FER1L6: variants seen among roughly 807,000 people sequenced by gnomAD.
FER1L6 encodes the protein fer-1-like protein 6.
In FER1L6, 177 loss-of-function variants were observed where a neutral mutation model predicts 219.2. The ratio of observed to expected loss-of-function variants is 0.81; its 90% confidence interval spans 0.71 to 0.91. The LOEUF is 0.91. Among genes scored for constraint, FER1L6 ranks in the 40% least tolerant of loss-of-function variants. FER1L6 has a pLI of 0.00. For synonymous variants in FER1L6, 768 were observed against 824.3 expected, an observed-to-expected ratio of 0.93 and a Z score of 1.17; for missense variants, 2,153 against 2,259.9, an observed-to-expected ratio of 0.95 and a Z score of 0.96.
chr8:124,006,279 T>C (rs562242284), intron 13 of FER1L6, among the ~76,000 whole-genome samples: 1 of 152,202 alleles, frequency 6.6e-6, no homozygotes, highest in Non-Finnish European at 1.5e-5. Context: ...TAGGAGGAGA[T>C]GAGAGGTCTC....
chr8:124,093,543 T>C (rs1380224451), intron 34 of FER1L6, among the ~76,000 whole-genome samples: 1 of 152,072 alleles, frequency 6.6e-6, no homozygotes, highest in Non-Finnish European at 1.5e-5. Flanking sequence ...GATATTTAGA[T>C]AGGACATTAA....
At chr8:123,906,778 G>A in intron 1 of FER1L6, among the ~76,000 whole-genome samples, 1 of 150,054 alleles carries the variant, frequency 6.7e-6, no homozygotes, top group East Asian at 2.0e-4. Flanking sequence ...CTAGCCTGCT[G>A]GGTAATAGAG....
chr8:123,965,092 CTTG>C (rs1180554071), intron 3 of FER1L6, among the ~76,000 whole-genome samples: 1 of 152,208 alleles, frequency 6.6e-6, no homozygotes, highest in Non-Finnish European at 1.5e-5. Context: ...GCATTGTCTC[CTTG>C]GGTCCTCAGA....
chr8:123,959,418 T>C (rs1412192029), intron 2 of FER1L6, among the ~76,000 whole-genome samples: 2 of 152,358 alleles, frequency 1.3e-5, no homozygotes, highest in African/African-American at 4.8e-5. Context: ...AGGTATTTTA[T>C]CTTGCTGCTT....
At chr8:123,968,112 A>T (rs1018118981) in intron 5 of FER1L6, among the ~76,000 whole-genome samples, 9 of 152,184 alleles carry the variant, frequency 5.9e-5, no homozygotes, top group Admixed American at 2.0e-4. Context: ...GCCTCTGACT[A>T]TAAATGAAAT....
intron 1 of FER1L6, among the ~76,000 whole-genome samples, chr8:123,884,357 G>C (rs1209134431): frequency 7.1e-6 from 1 of 140,368 alleles, no homozygotes; most frequent in African/African-American, 2.7e-5. Flanking sequence ...CCACGAAGCT[G>C]CCAAGGGGCA....
At chr8:123,928,253 G>A (rs980847088) in intron 1 of FER1L6, among the ~76,000 whole-genome samples, 12 of 152,076 alleles carry the variant, frequency 7.9e-5, no homozygotes, top group Non-Finnish European at 2.9e-5. Flanking sequence ...GTTTTTTATT[G>A]GTAGAATGGA....
chr8:123,864,127 C>T (rs1816790108), intron 1 of FER1L6, among the ~76,000 whole-genome samples: 1 of 149,362 alleles, frequency 6.7e-6, no homozygotes, highest in Non-Finnish European at 1.5e-5. Flanking sequence ...ACCGGTTGTT[C>T]CTTTCCATGT....
Position 123,966,235 on chromosome 8 carries a change from A to G in FER1L6, c.329A>G (p.Asp110Gly). The change falls in exon 5 of 41, where the codon GAT becomes GGT. Residue 110 changes from aspartate (D) to glycine (G), a missense_variant. Transcript: ENST00000522917. ...CCAGTTGTGACCATTGAGATTGGGG[A>G]TGAGAAGAAGCAAAGCACAGTGAAG... is the stretch of plus-strand genomic sequence containing the variant. Reference protein sequence around the residue: ...IDPVVTIEIGDEKKQSTVKEG... With the variant: ...IDPVVTIEIGGEKKQSTVKEG... 6.2e-7 allele frequency: 1 copy of G among 1,614,148 alleles called. No homozygotes were observed. The highest frequency in any genetic ancestry group is 8.5e-7 in the Non-Finnish European group (1 of 1,180,014).
chr8:124,083,859 G>A (rs1176002523), intron 33 of FER1L6, among the ~76,000 whole-genome samples: 2 of 152,102 alleles, frequency 1.3e-5, no homozygotes, highest in African/African-American at 2.4e-5. Context: ...GGTTGCTTTG[G>A]GTACTATGGA....
At chr8:124,037,069 AAG>A (rs1819250380) in intron 19 of FER1L6, among the ~76,000 whole-genome samples, 2 of 152,202 alleles carry the variant, frequency 1.3e-5, no homozygotes, top group African/African-American at 4.8e-5. Flanking sequence ...TGTACCAATA[AAG>A]TGTGAGGAGG....
intron 13 of FER1L6, 93 bp downstream of exon 13, chr8:124,003,440 T>A (rs2130506548): frequency 4.5e-5 from 13 of 291,952 alleles, no homozygotes; most frequent in East Asian, 1.4e-4. Flanking sequence ...TTCACTAAAA[T>A]CAGAAATGTC....
chr8:124,010,547 G>A (rs1295710268), intron 13 of FER1L6, 47 bp from the exon 14 acceptor site: 1 of 1,606,872 alleles, frequency 6.2e-7, no homozygotes, highest in Non-Finnish European at 8.5e-7. Flanking sequence ...GGGTTGCCTG[G>A]AAAACACTGA....
Position 124,039,624 on chromosome 8 carries a change from T to C in FER1L6, c.2465-258T>C, listed in dbSNP as rs1228044521. 2.6e-5 allele frequency among the ~76,000 whole-genome samples: 4 copies of C among 152,366 alleles called. No individual in the cohort carries two copies. In the South Asian group the frequency reaches 6.2e-4, roughly 24 times the overall value. ...GAAGTGGAGAGCATGCTATTTCGCATGGTTTTAGTGAAGAATAAGACACAT... is the reference window on the plus strand; with the variant it reads ...GAAGTGGAGAGCATGCTATTTCGCACGGTTTTAGTGAAGAATAAGACACAT... On this transcript the variant is annotated intron_variant, in intron 19 of 40. Transcript: ENST00000522917.
intron 33 of FER1L6, among the ~76,000 whole-genome samples, chr8:124,087,172 C>T (rs998275734): frequency 6.7e-6 from 1 of 149,074 alleles, no homozygotes; most frequent in African/African-American, 2.4e-5. Context: ...CTACTCTGAT[C>T]TCTCTCTCTC....
At position 123,857,698 on chromosome 8, in the gene FER1L6, A is replaced by G. The variant is rs556823084; in HGVS notation, c.-8+5513A>G. 1.1e-3 allele frequency among the ~76,000 whole-genome samples: 174 copies of G among 152,080 alleles called. 1 individual carries two copies. Among genetic ancestry groups the G allele is most frequent in the African/African-American group, 3.8e-3 (156 of 41,484 alleles). On this transcript the variant is annotated intron_variant, in intron 1 of 40. Transcript: ENST00000522917. Reference sequence around the variant, plus strand: ...GGCTCGTCCTGGTGGCCGGCCTCTGAAGTGGGTACCAGCAGCAGTGGTGCA... The same window carrying G: ...GGCTCGTCCTGGTGGCCGGCCTCTGGAGTGGGTACCAGCAGCAGTGGTGCA...
chr8:123,979,635 G>A (rs1816235351), intron 10 of FER1L6, among the ~76,000 whole-genome samples: 1 of 152,072 alleles, frequency 6.6e-6, no homozygotes, highest in South Asian at 2.1e-4. Flanking sequence ...AAATCATCAG[G>A]TCTTTTAAAT....
At chr8:124,028,329 A>G (rs1818798771) in intron 18 of FER1L6, among the ~76,000 whole-genome samples, 1 of 152,222 alleles carries the variant, frequency 6.6e-6, no homozygotes, top group South Asian at 2.1e-4. Flanking sequence ...TATCTTGATA[A>G]GATGATTCAG....
At chr8:124,093,520 C>T (rs772235414) in intron 34 of FER1L6, among the ~76,000 whole-genome samples, 5 of 152,028 alleles carry the variant, frequency 3.3e-5, no homozygotes, top group Non-Finnish European at 5.9e-5. Flanking sequence ...AAGGTTCTTA[C>T]ATGCAGATTA....
Sources: allele counts gnomAD v4.1 joint callset (sites outside exome capture counted in the v4.1 genomes callset), GRCh38; gene constraint gnomAD v4.1.1; transcripts MANE v1.5; gene names NCBI Gene and HGNC (gene_info 2026-07-23, HGNC 2026-07-21).